The following ABLIM1 variants were observed in gnomAD, a reference collection of about 807,000 sequenced individuals.
ABLIM1 encodes the protein actin-binding LIM protein 1.
Under a neutral mutation model 107.0 loss-of-function variants are expected in ABLIM1, and 40 were observed. The ratio of observed to expected loss-of-function variants is 0.37; its 90% confidence interval spans 0.29 to 0.49. The LOEUF (loss-of-function observed/expected upper bound fraction) is 0.49, where lower values mean the gene tolerates loss of function less well. Ranked by LOEUF, ABLIM1 falls within the 20% of genes least tolerant of loss-of-function variation. The probability of loss-of-function intolerance (pLI) is 0.97; values close to 1 mark genes in which losing one functional copy is unlikely to be tolerated. For missense variants in ABLIM1, 857 were observed against 1,008.5 expected (o/e 0.85, Z 2.04); for synonymous variants, 357 against 357.3 (o/e 1.00, Z 0.01).
At chr10:114,774,633 G>A in the ABLIM1 span, among the ~76,000 whole-genome samples, 4 of 152,082 alleles carry the variant, frequency 2.6e-5, no homozygotes, top group African/African-American at 9.7e-5. Context: ...GAAAAAAGTT[G>A]GACTGAAAAA....
chr10:114,747,341 A>T (rs758475772), intron 1 of ABLIM1, among the ~76,000 whole-genome samples: 1 of 152,220 alleles, frequency 6.6e-6, no homozygotes, highest in South Asian at 2.1e-4. Context: ...AGCTTTCTGC[A>T]TGGGAGAGCC....
rs188695908 is a variant in ABLIM1 at position 114,653,060 on chromosome 10, A to C, written c.244+4897T>G. ...ACTCTTATGCTCCTCAGGCTGAGGC[A>C]GAGTGACATCATGGTTGAGACCACG... On this transcript the variant is annotated intron_variant, in intron 1 of 22. Transcript: ENST00000533213. 1.8e-3 allele frequency among the ~76,000 whole-genome samples: 272 copies of C among 152,344 alleles called. 1 individual carries two copies. The highest frequency in any genetic ancestry group is 8.7e-3 in the South Asian group (42 of 4,824).
chr10:114,719,539 G>A (rs916988258), intron 1 of ABLIM1, among the ~76,000 whole-genome samples: 2 of 152,188 alleles, frequency 1.3e-5, no homozygotes, highest in South Asian at 2.1e-4. Flanking sequence ...GGAAAGATTC[G>A]TGACCTTTGG....
intron 4 of ABLIM1, among the ~76,000 whole-genome samples, chr10:114,563,496 A>C (rs908348707): frequency 1.3e-5 from 2 of 152,132 alleles, no homozygotes; most frequent in Non-Finnish European, 2.9e-5. Flanking sequence ...GCGGTTTCTT[A>C]GTTGTGACAA....
At chr10:114,703,801 G>GA (rs1166138468) in intron 1 of ABLIM1, among the ~76,000 whole-genome samples, 2 of 152,196 alleles carry the variant, frequency 1.3e-5, no homozygotes, top group African/African-American at 4.8e-5. Context: ...ACAGAGCCCA[G>GA]AAGGGTCGCA....
At chr10:114,483,734 G>A (rs1427484173) in intron 8 of ABLIM1, among the ~76,000 whole-genome samples, 5 of 152,176 alleles carry the variant, frequency 3.3e-5, no homozygotes, top group Admixed American at 6.5e-5. Flanking sequence ...TATCCTTAGC[G>A]CAGTTCTGAC....
intron 1 of ABLIM1, among the ~76,000 whole-genome samples, chr10:114,613,263 G>A (rs2483597): frequency 0.64 from 97,895 of 152,032 alleles, 31,900 homozygotes; most frequent in South Asian, 0.74. Flanking sequence ...CGAAAATCTT[G>A]AGGGGGTTTC....
chr10:114,639,106 C>T (rs567137228), intron 1 of ABLIM1, among the ~76,000 whole-genome samples: 12 of 152,284 alleles, frequency 7.9e-5, no homozygotes, highest in Admixed American at 6.5e-4. Context: ...CTGGAACAGT[C>T]CCAGAAAATA....
chr10:114,726,920 A>AG (rs1307275823), intron 1 of ABLIM1, among the ~76,000 whole-genome samples: 1 of 152,258 alleles, frequency 6.6e-6, no homozygotes, highest in Admixed American at 6.5e-5. Context: ...ACATTTGGGT[A>AG]GGGACATACA....
At chr10:114,494,867 T>G (rs183116374) in intron 6 of ABLIM1, among the ~76,000 whole-genome samples, 3 of 152,176 alleles carry the variant, frequency 2.0e-5, no homozygotes, top group African/African-American at 7.2e-5. Context: ...ATAAAATGGG[T>G]AGAAATAATA....
At position 114,715,142 on chromosome 10, in the gene ABLIM1, T is replaced by C. The variant is rs72831081; in HGVS notation, c.-213+52919A>G. Reference sequence around the variant, plus strand: ...TCCTTAATAAACTCACTAACTTTCATGTAAGTACAGAGTTTCTTCTTTGAT... The same window carrying C: ...TCCTTAATAAACTCACTAACTTTCACGTAAGTACAGAGTTTCTTCTTTGAT... On this transcript the variant is annotated intron_variant, in intron 1 of 15. Coordinates refer to the ABLIM1 transcript ENST00000651092. 4.8e-3 allele frequency among the ~76,000 whole-genome samples: 728 copies of C among 152,340 alleles called. 1 individual carries two copies. Among genetic ancestry groups the C allele is most frequent in the Non-Finnish European group, 7.8e-3 (534 of 68,038 alleles).
At chr10:114,658,513 A>G (rs2079634621), upstream of ABLIM1, among the ~76,000 whole-genome samples, 2 of 152,240 alleles carry the variant, frequency 1.3e-5, no homozygotes, top group African/African-American at 4.8e-5. Flanking sequence ...ATCTAAAAGA[A>G]TTCTCCTGCA....
chr10:114,527,522 C>A (rs1003978090), intron 6 of ABLIM1, among the ~76,000 whole-genome samples: 4 of 152,178 alleles, frequency 2.6e-5, no homozygotes, highest in Non-Finnish European at 4.4e-5. Context: ...TCAGGTGAGC[C>A]AGTGACTGAG....
At chr10:114,657,024 G>A (rs1347684195) in intron 1 of ABLIM1, among the ~76,000 whole-genome samples, 1 of 152,108 alleles carries the variant, frequency 6.6e-6, no homozygotes, top group Non-Finnish European at 1.5e-5. Flanking sequence ...ACTAAAACTC[G>A]CTGAACTATA....
At chr10:114,599,543 A>C (rs2075779510) in intron 2 of ABLIM1, among the ~76,000 whole-genome samples, 1 of 152,106 alleles carries the variant, frequency 6.6e-6, no homozygotes, top group Admixed American at 6.5e-5. Flanking sequence ...AGGCTGAGGC[A>C]GGAGAATCCC....
chr10:114,505,288 A>G (rs2060970456), intron 6 of ABLIM1, among the ~76,000 whole-genome samples: 1 of 152,220 alleles, frequency 6.6e-6, no homozygotes, highest in Admixed American at 6.5e-5. Context: ...ATTTGCCTTC[A>G]AGTTCAACAC....
At chr10:114,452,452 A>C (rs2062055244) in intron 13 of ABLIM1, among the ~76,000 whole-genome samples, 1 of 152,154 alleles carries the variant, frequency 6.6e-6, no homozygotes, top group South Asian at 2.1e-4. Flanking sequence ...GATTCAATTA[A>C]ACTTTTTTAG....
chr10:114,502,974 G>C (rs972184554), intron 6 of ABLIM1, among the ~76,000 whole-genome samples: 8 of 152,142 alleles, frequency 5.3e-5, no homozygotes, highest in African/African-American at 7.2e-5. Context: ...CCACATGCTA[G>C]CTTTGCCTGT....
chr10:114,721,825 T>C (rs947520333), intron 1 of ABLIM1, among the ~76,000 whole-genome samples: 2 of 152,196 alleles, frequency 1.3e-5, no homozygotes, highest in African/African-American at 4.8e-5. Context: ...CAAAGTTCCA[T>C]GTTGGATTAG....
Sources: gnomAD v4.1 joint callset for allele counts (sites outside exome capture counted in the v4.1 genomes callset) on GRCh38, gnomAD v4.1.1 for gene constraint, MANE v1.5 for transcripts, NCBI Gene and HGNC (gene_info 2026-07-23, HGNC 2026-07-21) for gene names.